Variants in KIF1B observed in about 807,000 individuals in gnomAD.
KIF1B encodes kinesin family member 1B.
In KIF1B, 76 loss-of-function variants were observed where a neutral mutation model predicts 241.9. That is an observed-to-expected ratio of 0.31 (90% CI 0.26 to 0.38). The LOEUF is 0.38. Among genes scored for constraint, KIF1B ranks in the 10% least tolerant of loss-of-function variants. The pLI is 1.00. For missense variants in KIF1B, 1,622 were observed against 2,271.4 expected (o/e 0.71, Z 5.81); for synonymous variants, 750 against 796.7 (o/e 0.94, Z 0.99).
chr1:10,268,126 A>T, intron 6 of KIF1B, 26 bp from the exon 7 acceptor site: 5 of 1,490,336 alleles, frequency 3.4e-6, no homozygotes, highest in Non-Finnish European at 4.7e-6. Context: ...TTCCCTTGTC[A>T]CGTGGTCACC....
intron 38 of KIF1B, among the ~76,000 whole-genome samples, chr1:10,358,685 A>T (rs7514588): frequency 1.1e-5 from 1 of 94,592 alleles, no homozygotes; most frequent in African/African-American, 3.0e-5. Flanking sequence ...CTCTGTCTCA[A>T]AAAAAAAAAA....
intron 22 of KIF1B, among the ~76,000 whole-genome samples, chr1:10,315,015 T>C (rs952180593): frequency 6.6e-6 from 1 of 150,966 alleles, no homozygotes; most frequent in Non-Finnish European, 1.5e-5. Context: ...TCCCCAGCTT[T>C]TTGAGACATT....
At chr1:10,282,826 A>G (rs1332197722) in intron 15 of KIF1B, among the ~76,000 whole-genome samples, 1 of 152,212 alleles carries the variant, frequency 6.6e-6, no homozygotes, top group Non-Finnish European at 1.5e-5. Context: ...ATCAAGTTAC[A>G]GTGTAATTGT....
intron 32 of KIF1B, among the ~76,000 whole-genome samples, chr1:10,340,660 A>G (rs4846214): frequency 0.14 from 20,983 of 152,162 alleles, 1,569 homozygotes; most frequent in African/African-American, 0.18. Flanking sequence ...CCTGGCCAAC[A>G]TGGTGAAATC....
At chr1:10,282,903 C>T (rs1447559127) in intron 15 of KIF1B, among the ~76,000 whole-genome samples, 1 of 151,234 alleles carries the variant, frequency 6.6e-6, no homozygotes, top group African/African-American at 2.5e-5. Flanking sequence ...AGCCATGCTT[C>T]TGTTAATAAA....
At chr1:10,240,002 G>A (rs1222844731) in intron 2 of KIF1B, among the ~76,000 whole-genome samples, 1 of 152,022 alleles carries the variant, frequency 6.6e-6, no homozygotes, top group Non-Finnish European at 1.5e-5. Context: ...TCCTGACCTC[G>A]TGATCAGCCT....
intron 38 of KIF1B, among the ~76,000 whole-genome samples, chr1:10,358,123 GAAAC>G (rs1454112105): frequency 1.5e-5 from 2 of 137,168 alleles, no homozygotes; most frequent in African/African-American, 2.7e-5. Flanking sequence ...AAAAAAGAAA[GAAAC>G]TTTTTTTGAC....
chr1:10,340,395 A>G (rs1254425075), intron 32 of KIF1B, among the ~76,000 whole-genome samples: 1 of 152,142 alleles, frequency 6.6e-6, no homozygotes, highest in Non-Finnish European at 1.5e-5. Context: ...CTCTATTCCA[A>G]AGTCATTATC....
intron 1 of KIF1B, among the ~76,000 whole-genome samples, chr1:10,230,113 T>TA (rs1466007711): frequency 1.3e-5 from 2 of 152,102 alleles, no homozygotes; most frequent in Non-Finnish European, 2.9e-5. Flanking sequence ...AGTTCAAGGT[T>TA]ACAGTGAGCT....
chr1:10,352,919 G>T (rs1027733244), intron 38 of KIF1B, among the ~76,000 whole-genome samples, 183 bp downstream of exon 38: 2 of 152,192 alleles, frequency 1.3e-5, no homozygotes, highest in Non-Finnish European at 2.9e-5. Flanking sequence ...AAGAAAGAAA[G>T]AAAGTATTGC....
chr1:10,290,853 A>G (rs1002089892), intron 15 of KIF1B, among the ~76,000 whole-genome samples: 1 of 148,610 alleles, frequency 6.7e-6, no homozygotes, highest in African/African-American at 2.5e-5. Context: ...ACAAAGGAAG[A>G]CTCCGTCTCA....
intron 2 of KIF1B, among the ~76,000 whole-genome samples, chr1:10,244,991 G>A (rs908605009): frequency 2.6e-5 from 4 of 152,168 alleles, no homozygotes; most frequent in Admixed American, 1.3e-4. Context: ...TTTTTAACAA[G>A]CCCTAAACGT....
intron 27 of KIF1B, among the ~76,000 whole-genome samples, chr1:10,330,893 T>C (rs1220876793): frequency 1.3e-5 from 2 of 152,182 alleles, no homozygotes; most frequent in African/African-American, 4.8e-5. Flanking sequence ...TTGTGTGTGT[T>C]GTCGGAGATC....
intron 22 of KIF1B, chr1:10,305,084 A>G (rs937059458): frequency 1.0e-4 from 110 of 1,068,926 alleles, no homozygotes; most frequent in Non-Finnish European, 1.2e-4. Flanking sequence ...AATGTTAGAA[A>G]TTGGTTTAAA....
rs1638831520 is a variant in KIF1B, at chr1:10,374,497, A to G, written c.5096+32A>G. 2 of 1,611,558 alleles carry G rather than the reference A, an allele frequency of 1.2e-6. No individual in the cohort carries two copies. The highest frequency in any genetic ancestry group is 1.3e-5 in the African/African-American group (1 of 74,890). On this transcript the variant is annotated intron_variant, in intron 46 of 48. Coordinates refer to ENST00000676179, the MANE Select transcript of KIF1B (RefSeq NM_001365951.3). The surrounding 1 kb of genome is among the most constrained non-coding windows in gnomAD (Gnocchi z 4.3). ...ACTATATTGAGCAGGAATGCCAGCT[A>G]TAAAAAACAAATCCACAGGAAGAAG... is the stretch of plus-strand genomic sequence containing the variant.
intron 43 of KIF1B, 74 bp from the exon 44 acceptor site, chr1:10,368,393 C>T (rs1367948300): frequency 1.2e-5 from 15 of 1,256,354 alleles, no homozygotes; most frequent in East Asian, 2.3e-5. Context: ...GGAGCCTCCA[C>T]GTGGTCAGCT....
chr1:10,269,042 T>C (rs1229681360), intron 7 of KIF1B, among the ~76,000 whole-genome samples: 3 of 152,228 alleles, frequency 2.0e-5, no homozygotes, highest in African/African-American at 7.2e-5. Context: ...TACTACTCTA[T>C]CTGCATCCCT....
chr1:10,302,359 G>A (rs934121748), intron 22 of KIF1B, among the ~76,000 whole-genome samples: 2 of 152,022 alleles, frequency 1.3e-5, no homozygotes, highest in African/African-American at 2.4e-5. Flanking sequence ...ATCGTACGAC[G>A]GAAATGGATA....
chr1:10,253,471 A>T (rs1647585217), intron 2 of KIF1B, among the ~76,000 whole-genome samples: 1 of 152,172 alleles, frequency 6.6e-6, no homozygotes, highest in South Asian at 2.1e-4. Flanking sequence ...TGAGACTCCC[A>T]TCTCTACAAA....
Sources: gnomAD v4.1 joint callset for allele counts (sites outside exome capture counted in the v4.1 genomes callset) on GRCh38, gnomAD v4.1.1 for gene constraint, Gnocchi (gnomAD v3.1) non-coding constraint, MANE v1.5 for transcripts, NCBI Gene and HGNC (gene_info 2026-07-23, HGNC 2026-07-21) for gene names.